Variants in MDGA2 observed in about 807,000 individuals in gnomAD.
MDGA2 encodes the protein MAM domain-containing glycosylphosphatidylinositol anchor protein 2.
A neutral mutation model predicts 117.8 loss-of-function variants in MDGA2; 40 were observed. The observed-to-expected ratio is 0.34, with a 90% CI of 0.26 to 0.44. MDGA2 has a LOEUF of 0.44. MDGA2 is among the 20% of genes least tolerant of loss of function. The probability of loss-of-function intolerance (pLI) is 1.00; values close to 1 mark genes in which losing one functional copy is unlikely to be tolerated. For missense variants in MDGA2, 1,123 were observed against 1,250.6 expected, an observed-to-expected ratio of 0.90 and a Z score of 1.54; for synonymous variants, 452 against 439.0, an observed-to-expected ratio of 1.03 and a Z score of -0.37.
chr14:46,963,863 T>C (rs1885908889), intron 8 of MDGA2, among the ~76,000 whole-genome samples: 1 of 152,240 alleles, frequency 6.6e-6, no homozygotes, highest in Non-Finnish European at 1.5e-5. Flanking sequence ...TGATATATCA[T>C]TATTCATTAA....
At chr14:47,178,599 A>G (rs998108814) in intron 3 of MDGA2, among the ~76,000 whole-genome samples, 5 of 152,192 alleles carry the variant, frequency 3.3e-5, no homozygotes, top group African/African-American at 1.2e-4. Context: ...TGACCTAGGT[A>G]TAAGAATAAA....
chr14:46,981,232 C>T (rs1433931967), intron 8 of MDGA2, among the ~76,000 whole-genome samples: 34 of 151,760 alleles, frequency 2.2e-4, no homozygotes, highest in Admixed American at 1.9e-3. Context: ...GGTGAAACCC[C>T]GTCTCTACTA....
At chr14:47,170,966 A>G (rs1210424121) in intron 3 of MDGA2, among the ~76,000 whole-genome samples, 1 of 152,302 alleles carries the variant, frequency 6.6e-6, no homozygotes, top group Non-Finnish European at 1.5e-5. Context: ...CTTCTCATAT[A>G]CTTAAATTGA....
intron 1 of MDGA2, among the ~76,000 whole-genome samples, chr14:47,583,714 T>C (rs1896270778): frequency 6.6e-6 from 1 of 151,830 alleles, no homozygotes; most frequent in African/African-American, 2.4e-5. Context: ...CCTTCTGTCT[T>C]CAGGCTGGAA....
At chr14:47,287,620 C>T (rs1888732445) in intron 2 of MDGA2, among the ~76,000 whole-genome samples, 1 of 152,036 alleles carries the variant, frequency 6.6e-6, no homozygotes, top group African/African-American at 2.4e-5. Flanking sequence ...ACAATAGACC[C>T]TTTAAAGGTA....
intron 1 of MDGA2, among the ~76,000 whole-genome samples, chr14:47,378,317 G>T (rs1891527796): frequency 6.6e-6 from 1 of 152,184 alleles, no homozygotes; most frequent in Non-Finnish European, 1.5e-5. Flanking sequence ...TTCTCCAAAG[G>T]AACGCAGCTC....
intron 1 of MDGA2, among the ~76,000 whole-genome samples, chr14:47,374,442 T>C (rs762552868): frequency 6.6e-6 from 1 of 152,110 alleles, no homozygotes; most frequent in Non-Finnish European, 1.5e-5. Flanking sequence ...GATATTAATA[T>C]CTCAATTTTA....
intron 3 of MDGA2, among the ~76,000 whole-genome samples, chr14:47,192,250 G>T (rs1185844208): frequency 6.6e-6 from 1 of 152,010 alleles, no homozygotes; most frequent in Non-Finnish European, 1.5e-5. Context: ...TGTAAGCCCA[G>T]AAAGTGTGAG....
intron 1 of MDGA2, among the ~76,000 whole-genome samples, chr14:47,312,681 T>C (rs1232045485): frequency 1.0e-4 from 13 of 125,452 alleles, no homozygotes; most frequent in Non-Finnish European, 8.5e-5. Context: ...TTTTTAGTTT[T>C]TTTTTTGTTT....
intron 6 of MDGA2, among the ~76,000 whole-genome samples, chr14:47,071,974 C>T (rs1037188948): frequency 1.3e-4 from 20 of 151,604 alleles, no homozygotes; most frequent in African/African-American, 4.4e-4. Flanking sequence ...CTGTCACCAT[C>T]GTATAGTTGT....
At chr14:46,982,705 C>CAAAAAAAAAAAAAAA (rs59530070) in intron 8 of MDGA2, among the ~76,000 whole-genome samples, 13 of 45,936 alleles carry the variant, frequency 2.8e-4, no homozygotes, top group African/African-American at 1.2e-3. Context: ...GAGACTCCAT[C>CAAAAAAAAAAAAAAA]AAAAAAAAAA....
chr14:47,528,548 T>G (rs1318682280), intron 1 of MDGA2, among the ~76,000 whole-genome samples: 1 of 152,222 alleles, frequency 6.6e-6, no homozygotes, highest in African/African-American at 2.4e-5. Context: ...AGATTTCCAG[T>G]AGATTTGCAA....
chr14:46,975,983 A>T (rs1403853261), intron 8 of MDGA2, among the ~76,000 whole-genome samples: 1 of 152,136 alleles, frequency 6.6e-6, no homozygotes, highest in Non-Finnish European at 1.5e-5. Context: ...CAACCTTCTA[A>T]TACCTAACCA....
At chr14:47,309,750 G>A (rs1889575868) in intron 1 of MDGA2, among the ~76,000 whole-genome samples, 1 of 151,986 alleles carries the variant, frequency 6.6e-6, no homozygotes, top group South Asian at 2.1e-4. Context: ...AATTTAATTT[G>A]TTATTTAAAG....
At chr14:47,045,081 C>A (rs1272969391) in intron 7 of MDGA2, among the ~76,000 whole-genome samples, 1 of 152,060 alleles carries the variant, frequency 6.6e-6, no homozygotes, top group Non-Finnish European at 1.5e-5. Flanking sequence ...CTGAGGGATT[C>A]AATAGAATAC....
intron 4 of MDGA2, among the ~76,000 whole-genome samples, chr14:47,137,992 ATTG>A (rs1882539452): frequency 6.6e-6 from 1 of 152,182 alleles, no homozygotes; most frequent in African/African-American, 2.4e-5. Context: ...TTAATGGAAT[ATTG>A]TTTAAAATAA....
chr14:47,152,142 T>TA (rs1251294647), intron 3 of MDGA2, among the ~76,000 whole-genome samples: 45 of 152,162 alleles, frequency 3.0e-4, no homozygotes, highest in African/African-American at 1.1e-3. Context: ...ACTCTAGAAA[T>TA]AACTGTCTCC....
chr14:46,848,804 T>C (rs2138280799), intron 15 of MDGA2, among the ~76,000 whole-genome samples: 1 of 152,054 alleles, frequency 6.6e-6, no homozygotes, highest in East Asian at 1.9e-4. Context: ...CTACTGGCAA[T>C]ATGTTGACTG....
intron 1 of MDGA2, among the ~76,000 whole-genome samples, chr14:47,652,968 C>G (rs775074235): frequency 6.6e-6 from 1 of 152,158 alleles, no homozygotes; most frequent in African/African-American, 2.4e-5. Flanking sequence ...AAGTCTGAGA[C>G]AGATTCAGGC....
Sources: allele counts gnomAD v4.1 joint callset (sites outside exome capture counted in the v4.1 genomes callset), GRCh38; gene constraint gnomAD v4.1.1; transcripts MANE v1.5; gene names NCBI Gene and HGNC (gene_info 2026-07-23, HGNC 2026-07-21).